Variants in CADPS observed in about 807,000 individuals in gnomAD.
CADPS encodes the protein calcium dependent secretion activator, also known as calcium-dependent secretion activator 1.
In CADPS, 57 loss-of-function variants were observed where a neutral mutation model predicts 167.3. The ratio of observed to expected loss-of-function variants is 0.34; its 90% CI spans 0.28 to 0.42. The LOEUF is 0.42. Ranked by LOEUF, CADPS falls within the 20% of genes least tolerant of loss-of-function variation. CADPS has a pLI of 1.00. For missense variants in CADPS, 1,414 were observed against 1,738.1 expected (o/e 0.81, Z 3.32); for synonymous variants, 676 against 635.3 (o/e 1.06, Z -0.96).
intron 1 of CADPS, among the ~76,000 whole-genome samples, chr3:62,860,764 T>A (rs2080640652): frequency 6.6e-6 from 1 of 152,216 alleles, no homozygotes; most frequent in Non-Finnish European, 1.5e-5. Flanking sequence ...AGGAATCTTA[T>A]GCTTCCTATT....
chr3:62,777,519 C>T (rs976331325), intron 1 of CADPS, among the ~76,000 whole-genome samples: 1 of 152,122 alleles, frequency 6.6e-6, no homozygotes, highest in South Asian at 2.1e-4. Context: ...AACACAAGTG[C>T]ACACCCTAAT....
chr3:62,590,487 C>T (rs1460294217), intron 7 of CADPS, among the ~76,000 whole-genome samples: 2 of 152,124 alleles, frequency 1.3e-5, no homozygotes, highest in Non-Finnish European at 2.9e-5. Flanking sequence ...TTCATCATCC[C>T]CTTTCCTCCC....
At position 62,412,042 on chromosome 3, in the gene CADPS, A is replaced by G. The variant is rs2049055426; in HGVS notation, c.3778-8857T>C. ...AAAGCTATAATCAGACACCAAAGCT[A>G]TAATCAGACACCGAAGCTCTAAACA... is the stretch of plus-strand genomic sequence containing the variant. On this transcript the variant is annotated intron_variant, in intron 28 of 29. Transcript: ENST00000383710. The surrounding 1 kb of genome is among the most constrained non-coding windows in gnomAD (Gnocchi z 4.1). Among the ~76,000 whole-genome samples, 1 of 152,194 alleles carries G rather than the reference A, an allele frequency of 6.6e-6. No homozygotes were observed. Among genetic ancestry groups the G allele is most frequent in the African/African-American group, 2.4e-5 (1 of 41,452 alleles).
At chr3:62,740,475 CTT>C (rs2079973852) in intron 3 of CADPS, among the ~76,000 whole-genome samples, 1 of 152,180 alleles carries the variant, frequency 6.6e-6, no homozygotes, top group Non-Finnish European at 1.5e-5. Context: ...CCACATTACA[CTT>C]ATGATACAAA....
chr3:62,799,479 A>G (rs11717707), intron 1 of CADPS, among the ~76,000 whole-genome samples: 26,834 of 152,076 alleles, frequency 0.18, 2,773 homozygotes, highest in Middle Eastern at 0.3. Flanking sequence ...ATTTATCTCT[A>G]TTTTTAAATA....
At chr3:62,768,728 C>G (rs1005214556) in intron 1 of CADPS, among the ~76,000 whole-genome samples, 6 of 151,710 alleles carry the variant, frequency 4.0e-5, no homozygotes, top group Non-Finnish European at 8.8e-5. Context: ...AAAAGGCAAA[C>G]AAAAAAGCAC....
intron 5 of CADPS, among the ~76,000 whole-genome samples, chr3:62,646,161 C>CTTTTTTTT (rs35748758): frequency 7.7e-6 from 1 of 129,110 alleles, no homozygotes; most frequent in African/African-American, 2.9e-5. Flanking sequence ...GGAATTGGCT[C>CTTTTTTTT]TTTTTTTTTT....
At chr3:62,425,922 C>CT (rs112793131) in intron 28 of CADPS, among the ~76,000 whole-genome samples, 4,602 of 152,272 alleles carry the variant, frequency 0.03, 201 homozygotes, top group East Asian at 0.14. Flanking sequence ...GTCCTGCCTC[C>CT]TGGGGCACCT....
chr3:62,531,777 A>G (rs1174734999), intron 13 of CADPS, among the ~76,000 whole-genome samples: 1 of 152,178 alleles, frequency 6.6e-6, no homozygotes, highest in Non-Finnish European at 1.5e-5. Flanking sequence ...GCAAGGCTAC[A>G]TACATTGAGA....
intron 3 of CADPS, among the ~76,000 whole-genome samples, chr3:62,710,250 T>A (rs1290697354): frequency 6.6e-6 from 1 of 151,774 alleles, no homozygotes; most frequent in East Asian, 1.9e-4. Context: ...TGGTTCTCAA[T>A]CCTGGATGCA....
intron 3 of CADPS, among the ~76,000 whole-genome samples, chr3:62,744,398 A>G (rs570695682): frequency 9.4e-4 from 143 of 152,298 alleles, no homozygotes; most frequent in African/African-American, 3.4e-3. Flanking sequence ...CTAACAACAA[A>G]ATTTAATCAA....
At chr3:62,502,857 A>T (rs1168103217) in intron 17 of CADPS, among the ~76,000 whole-genome samples, 1 of 152,062 alleles carries the variant, frequency 6.6e-6, no homozygotes, top group African/African-American at 2.4e-5. Flanking sequence ...GGGTAGGTGA[A>T]GAGAGACAGT....
chr3:62,721,139 A>ATTT (rs1268261563), intron 3 of CADPS, among the ~76,000 whole-genome samples: 3 of 112,972 alleles, frequency 2.7e-5, no homozygotes, highest in African/African-American at 1.2e-4. Flanking sequence ...TTTTTTAAAA[A>ATTT]AAAAAAGAAG....
chr3:62,674,109 C>T (rs1219829444), intron 3 of CADPS, among the ~76,000 whole-genome samples: 1 of 152,092 alleles, frequency 6.6e-6, no homozygotes, highest in Non-Finnish European at 1.5e-5. Context: ...GCAATTGTGG[C>T]TTTTGTGAAT....
At chr3:62,632,652 T>C (rs1406248843) in intron 6 of CADPS, among the ~76,000 whole-genome samples, 1 of 152,122 alleles carries the variant, frequency 6.6e-6, no homozygotes, top group Non-Finnish European at 1.5e-5. Flanking sequence ...GTAGGTTATT[T>C]CTCAAAATAG....
intron 4 of CADPS, among the ~76,000 whole-genome samples, chr3:62,657,088 A>G (rs1386674929): frequency 6.6e-6 from 1 of 152,190 alleles, no homozygotes; most frequent in Non-Finnish European, 1.5e-5. Context: ...GTCCAACATT[A>G]GTTTGAAAGT....
intron 3 of CADPS, among the ~76,000 whole-genome samples, chr3:62,711,194 T>C (rs2083333155): frequency 6.6e-6 from 1 of 152,194 alleles, no homozygotes; most frequent in African/African-American, 2.4e-5. Flanking sequence ...ATCAGAATAA[T>C]TTTAAACATC....
chr3:62,874,252 G>A lies in CADPS; in HGVS notation c.441+337C>T, dbSNP rs1476010233. On this transcript the variant is annotated intron_variant, in intron 1 of 29. Transcript: ENST00000383710. The surrounding 1 kb of genome is among the most constrained non-coding windows in gnomAD (Gnocchi z 7.1). Reference sequence around the variant, plus strand: ...GCAAGCGAGCAAGGCCTCTCTGGGCGCCGCGGGCAGCAAATCACTCCCCGA... The same window carrying A: ...GCAAGCGAGCAAGGCCTCTCTGGGCACCGCGGGCAGCAAATCACTCCCCGA... Among the ~76,000 whole-genome samples, 1 of 152,100 alleles carries A rather than the reference G, an allele frequency of 6.6e-6. No homozygotes were observed. Among genetic ancestry groups the A allele is most frequent in the Non-Finnish European group, 1.5e-5 (1 of 67,998 alleles).
At chr3:62,865,408 A>T (rs1192930572) in intron 1 of CADPS, among the ~76,000 whole-genome samples, 1 of 151,052 alleles carries the variant, frequency 6.6e-6, no homozygotes, top group Non-Finnish European at 1.5e-5. Context: ...AAAAAAAAAA[A>T]AGTTAACTTC....
Sources: allele counts gnomAD v4.1 joint callset (sites outside exome capture counted in the v4.1 genomes callset), GRCh38; gene constraint gnomAD v4.1.1; non-coding constraint Gnocchi (gnomAD v3.1); transcripts MANE v1.5; gene names NCBI Gene and HGNC (gene_info 2026-07-23, HGNC 2026-07-21).